Variants in BRWD3 observed in about 807,000 individuals in gnomAD.
BRWD3 encodes bromodomain and WD repeat domain containing 3.
In BRWD3, 10 loss-of-function variants were observed where a neutral mutation model predicts 149.7. The ratio of observed to expected loss-of-function variants is 0.07; its 90% CI spans 0.04 to 0.11. BRWD3 has a LOEUF of 0.11. BRWD3 is among the 10% of genes least tolerant of loss of function. The pLI is 1.00. For missense variants in BRWD3, 940 were observed against 1,373.2 expected (o/e 0.68, Z 4.99); for synonymous variants, 504 against 456.7 (o/e 1.10, Z -1.32).
At position 80,691,064 on chromosome X, in the gene BRWD3, A is replaced by T. The variant is rs780259812; in HGVS notation, c.3591T>A (p.Asn1197Lys). ...AAAAAAAAACAGACCTGTAAAAGCG[A>T]TTTTCAAGTCTCCGCCTGATGGTAT... ...DLNTIRRRLENRFYRRISALM... is the reference protein window; with the variant it reads ...DLNTIRRRLEKRFYRRISALM... The change falls in exon 31 of 41, where the codon AAT (asparagine) becomes AAA (lysine). Residue 1197 changes from asparagine to lysine, a missense_variant. By Grantham distance (94) the Asn-to-Lys change is moderately conservative (BLOSUM62 0). Around this residue, in one of 6 missense-constraint regions of BRWD3, gnomAD observed 349 missense variants for 419.6 expected, o/e 0.83. Coordinates refer to ENST00000373275, the MANE Select transcript of BRWD3 (RefSeq NM_153252.5). 2.7e-5 allele frequency: 32 copies of T among 1,207,033 alleles called. No individual in the cohort carries two copies. In the East Asian group the frequency reaches 9.5e-4, roughly 36 times the overall value.
intron 6 of BRWD3, among the ~76,000 whole-genome samples, chrX:80,769,920 C>A (rs1449668927): frequency 9.0e-6 from 1 of 111,232 alleles, no homozygotes; most frequent in African/African-American, 3.3e-5. Flanking sequence ...AAGGGGATAT[C>A]ACCACTGATC....
At chrX:80,728,691 CTG>C in intron 14 of BRWD3, 59 bp downstream of exon 14, 2 of 1,023,669 alleles carry the variant, frequency 2.0e-6, no homozygotes, top group South Asian at 2.1e-5. Context: ...CTTAAATTTC[CTG>C]TGTCTTAAAA....
rs1190420135 is a variant in BRWD3 at position 80,685,483 on chromosome X, T to C, written c.4059A>G (p.Gln1353=). Reference sequence around the variant, plus strand: ...CTACCTCAGAAAGAGATGAATCTTGTTGTCTTTCTGGAACAACAGACTCTG... The same window carrying C: ...CTACCTCAGAAAGAGATGAATCTTGCTGTCTTTCTGGAACAACAGACTCTG... ...ESSESVVPER[Q]QDSSLSEDYQ... The change falls in exon 36 of 41, where the codon CAA becomes CAG. Residue 1353 remains glutamine (Q), a synonymous_variant. Transcript: ENST00000373275. The C allele has an allele frequency of 8.3e-7, 1 of 1,206,941 alleles. No homozygotes were observed. The highest frequency in any genetic ancestry group is 1.8e-5 in the African/African-American group (1 of 57,098).
intron 6 of BRWD3, among the ~76,000 whole-genome samples, chrX:80,765,494 T>A (rs1370829225): frequency 8.9e-6 from 1 of 111,736 alleles, no homozygotes. Context: ...TCACTTTACT[T>A]TACTTTACTA....
intron 20 of BRWD3, among the ~76,000 whole-genome samples, chrX:80,711,747 T>C (rs1162191627): frequency 8.9e-6 from 1 of 112,172 alleles, no homozygotes; most frequent in African/African-American, 3.2e-5. Context: ...TTTCAACTAA[T>C]TGCTAATTAG....
chrX:80,802,457 A>T (rs1284257554), intron 4 of BRWD3, among the ~76,000 whole-genome samples: 25 of 107,188 alleles, frequency 2.3e-4, no homozygotes, highest in African/African-American at 8.2e-4. Flanking sequence ...AAAAAAAAAA[A>T]AAAAAAAAAA....
At chrX:80,730,401 G>GAA (rs2073309749) in intron 12 of BRWD3, among the ~76,000 whole-genome samples, 1 of 99,979 alleles carries the variant, frequency 1.0e-5, no homozygotes, top group South Asian at 4.6e-4. Context: ...AAGAAAGAAA[G>GAA]AAAGAAAGAA....
At chrX:80,743,342 T>G (rs1412280296) in intron 8 of BRWD3, among the ~76,000 whole-genome samples, 1 of 111,873 alleles carries the variant, frequency 8.9e-6, no homozygotes, top group Non-Finnish European at 1.9e-5. Flanking sequence ...ATCAAGGATA[T>G]TGGTCTAAAA....
In BRWD3 at chrX:80,716,161, T is replaced by C; in HGVS notation, c.2321A>G (p.Gln774Arg). 8.4e-7 allele frequency: 1 copy of C among 1,190,983 alleles called. No individual in the cohort carries two copies. Among genetic ancestry groups the C allele is most frequent in the Non-Finnish European group, 1.1e-6 (1 of 877,178 alleles). ...EKKKKPSYTTQRNDYEPSCGR... is the reference protein window; with the variant it reads ...EKKKKPSYTTRRNDYEPSCGR... ...GTATTGTAAAACTATACTTACCCTT[T>C]GAGTAGTGTAAGATGGCTTTTTCTT... is the stretch of plus-strand genomic sequence containing the variant. Residue 774 changes from glutamine (Q) to arginine (R), a missense_variant, in exon 20 of 41, where the codon CAA becomes CGA. By Grantham distance (43) the Gln-to-Arg change is conservative. Around this residue, in one of 6 missense-constraint regions of BRWD3, gnomAD observed 103 missense variants for 103.2 expected, o/e 1.00. Coordinates refer to ENST00000373275, the MANE Select transcript of BRWD3 (RefSeq NM_153252.5).
intron 6 of BRWD3, among the ~76,000 whole-genome samples, chrX:80,766,742 C>A (rs181855039): frequency 8.9e-6 from 1 of 112,093 alleles, no homozygotes; most frequent in Admixed American, 9.4e-5. Flanking sequence ...GTAGCTGGTT[C>A]ATTTCTTTGG....
chrX:80,768,183 C>A (rs1001472778), intron 6 of BRWD3, among the ~76,000 whole-genome samples: 2 of 111,304 alleles, frequency 1.8e-5, no homozygotes, highest in Non-Finnish European at 3.8e-5. Context: ...AGAACTTCCC[C>A]AACCTAGCAA....
intron 6 of BRWD3, among the ~76,000 whole-genome samples, chrX:80,767,951 G>A (rs756213926): frequency 8.1e-5 from 9 of 111,718 alleles, no homozygotes; most frequent in African/African-American, 9.8e-5. Context: ...TTCAATAGCC[G>A]ATTCGATCAA....
chrX:80,741,757 G>C (rs1345316183), intron 8 of BRWD3, among the ~76,000 whole-genome samples: 1 of 111,809 alleles, frequency 8.9e-6, no homozygotes, highest in African/African-American at 3.3e-5. Context: ...TGACGGGGTT[G>C]TTTGTTTTTT....
intron 4 of BRWD3, among the ~76,000 whole-genome samples, chrX:80,798,323 GT>G (rs995472970): frequency 1.8e-5 from 2 of 109,876 alleles, no homozygotes; most frequent in African/African-American, 6.6e-5. Flanking sequence ...ACTTGAATCT[GT>G]TTGCTTTTCA....
intron 12 of BRWD3, among the ~76,000 whole-genome samples, chrX:80,730,954 T>G (rs978845826): frequency 8.9e-6 from 1 of 111,981 alleles, no homozygotes; most frequent in Non-Finnish European, 1.9e-5. Flanking sequence ...AATCCCTTAA[T>G]GATCAACTGT....
intron 6 of BRWD3, among the ~76,000 whole-genome samples, chrX:80,755,617 T>C (rs966408587): frequency 9.0e-6 from 1 of 111,677 alleles, no homozygotes; most frequent in Non-Finnish European, 1.9e-5. Flanking sequence ...CATCTATTAC[T>C]CCACCTCTGG....
chrX:80,741,150 A>G (rs1165569904), intron 8 of BRWD3, among the ~76,000 whole-genome samples: 1 of 110,311 alleles, frequency 9.1e-6, no homozygotes. Flanking sequence ...ATGAGTGAGA[A>G]CATGCGGTGT....
chrX:80,798,966 G>A (rs2074267097), intron 4 of BRWD3, among the ~76,000 whole-genome samples: 1 of 111,859 alleles, frequency 8.9e-6, no homozygotes, highest in Non-Finnish European at 1.9e-5. Flanking sequence ...AGGAATCTGG[G>A]TTTCTCTGCC....
At position 80,808,596 on chromosome X, in the gene BRWD3, C is replaced by T; in HGVS notation, c.123G>A (p.Leu41=). The T allele has an allele frequency of 8.3e-7, 1 of 1,207,980 alleles. No homozygotes were observed. Among genetic ancestry groups the T allele is most frequent in the Non-Finnish European group, 1.1e-6 (1 of 893,588 alleles). ...VLVQELEEHQ[L]IPRRLDWEGK... is the part of the protein sequence containing the mutation. ...CCTCCCAATCTAAGCGGCGCGGAAT[C>T]AGCTGGGGGCCGGACGAAAAGAAAG... Residue 41 remains leucine (L), a splice_region_variant and synonymous_variant, in exon 4 of 41, where the codon CTG becomes CTA. Transcript: ENST00000373275.
Sources: gnomAD v4.1 joint callset for allele counts (sites outside exome capture counted in the v4.1 genomes callset) on GRCh38, gnomAD v4.1.1 for gene constraint, gnomAD v4.1.1 regional missense constraint, MANE v1.5 for transcripts, NCBI Gene and HGNC (gene_info 2026-07-23, HGNC 2026-07-21) for gene names.